ASCC3: variants seen among roughly 807,000 people sequenced by gnomAD.
ASCC3 encodes activating signal cointegrator 1 complex subunit 3.
Under a neutral mutation model 256.3 loss-of-function variants are expected in ASCC3, and 158 were observed. The ratio of observed to expected loss-of-function variants is 0.62; its 90% CI spans 0.54 to 0.70. ASCC3 has a LOEUF of 0.70. Ranked by LOEUF, ASCC3 falls within the 30% of genes least tolerant of loss-of-function variation. ASCC3 has a pLI of 0.00. For synonymous variants in ASCC3, 948 were observed against 883.4 expected (o/e 1.07, Z -1.30); for missense variants, 2,259 against 2,626.0 (o/e 0.86, Z 3.05).
chr6:100,702,830 T>C (rs1445066605), intron 13 of ASCC3, among the ~76,000 whole-genome samples: 3 of 152,180 alleles, frequency 2.0e-5, no homozygotes, highest in African/African-American at 7.2e-5. Flanking sequence ...TTTATCTTTT[T>C]GTAAAAACAA....
rs190120072 is a variant in ASCC3 at position 100,561,819 on chromosome 6, C to T, written c.5551-21432G>A. 1.8e-4 allele frequency among the ~76,000 whole-genome samples: 28 copies of T among 152,108 alleles called. No individual in the cohort carries two copies. The East Asian group carries it at 4.6e-3, about 25-fold the overall frequency. ...ACTGTTTAATAAATAACAGAAAATA[C>T]TTAAAAAGATGATATAAAAGACCTA... On this transcript the variant is annotated intron_variant, in intron 36 of 41. Transcript: ENST00000369162.
At chr6:100,809,733 T>C (rs1770367344) in intron 4 of ASCC3, among the ~76,000 whole-genome samples, 1 of 152,148 alleles carries the variant, frequency 6.6e-6, no homozygotes, top group Non-Finnish European at 1.5e-5. Context: ...GGTCACACTC[T>C]ACTTACTTTA....
In ASCC3 at chr6:100,662,539, A is replaced by G. The variant is rs1219899489; in HGVS notation, c.2287-3T>C. The G allele has an allele frequency of 1.9e-6, 3 of 1,612,494 alleles. No homozygotes were observed. In the Admixed American group the frequency reaches 5.0e-5, roughly 27 times the overall value. On this transcript the variant is annotated splice_region_variant and splice_polypyrimidine_tract_variant and intron_variant, in intron 14 of 41. Transcript: ENST00000369162. ...TGCTTATTTCTCGACCTTTGTACCT[A>G]GATACCAAGAAAGCGTAAGAGTATT...
chr6:100,613,184 AG>A lies in ASCC3; in HGVS notation c.4786-6097del, dbSNP rs1773494111. The stretch of plus-strand genomic sequence containing the variant: ...GCGTAGTGGGCAAGTCAGGGCTTTT[AG>A]GGTACCCATTACCTGAATTGGGTAC... On this transcript the variant is annotated intron_variant, in intron 30 of 41. Transcript: ENST00000369162. 3.3e-5 allele frequency among the ~76,000 whole-genome samples: 5 copies of A among 151,746 alleles called. No homozygotes were observed. In the South Asian group the frequency reaches 1.0e-3, roughly 32 times the overall value.
chr6:100,828,618 G>A (rs767399915), intron 4 of ASCC3, among the ~76,000 whole-genome samples: 2 of 152,150 alleles, frequency 1.3e-5, no homozygotes, highest in Non-Finnish European at 2.9e-5. Context: ...GCTCAGGAGT[G>A]AAGCTGCGGA....
intron 13 of ASCC3, among the ~76,000 whole-genome samples, chr6:100,681,491 G>A (rs1308906675): frequency 6.6e-6 from 1 of 152,006 alleles, no homozygotes; most frequent in Non-Finnish European, 1.5e-5. Flanking sequence ...CACTTTGGGA[G>A]GTCAAGGTGG....
chr6:100,855,158 G>C (rs530198251), intron 3 of ASCC3, among the ~76,000 whole-genome samples: 1 of 150,432 alleles, frequency 6.6e-6, no homozygotes, highest in East Asian at 2.0e-4. Context: ...CTGTCACCCA[G>C]TCTGGAGTGC....
intron 24 of ASCC3, among the ~76,000 whole-genome samples, chr6:100,642,129 A>G (rs143341610): frequency 0.03 from 4,582 of 152,006 alleles, 75 homozygotes; most frequent in African/African-American, 0.055. Flanking sequence ...AAACCTGCAC[A>G]TTGTGCACAT....
rs1775403323 is a variant in ASCC3, at chr6:100,646,773, C to T, written c.3479-4G>A. On this transcript the variant is annotated splice_region_variant and splice_polypyrimidine_tract_variant and intron_variant, in intron 21 of 41. Coordinates refer to ENST00000369162, the MANE Select transcript of ASCC3 (RefSeq NM_006828.4). ...TTCACATGATGTAAAATGTGACCTG[C>T]AAGAAAAATATCACATAGAAGAAAT... is the stretch of plus-strand genomic sequence containing the variant. The T allele has an allele frequency of 3.7e-6, 6 of 1,613,178 alleles. No individual in the cohort carries two copies. The highest frequency in any genetic ancestry group is 1.1e-5 in the South Asian group (1 of 91,044).
chr6:100,720,200 T>C (rs569516622), intron 11 of ASCC3, among the ~76,000 whole-genome samples: 17 of 152,074 alleles, frequency 1.1e-4, no homozygotes, highest in African/African-American at 4.1e-4. Flanking sequence ...CACAGACACA[T>C]CTGTCAAGGA....
intron 8 of ASCC3, among the ~76,000 whole-genome samples, chr6:100,777,567 T>G (rs1229357059): frequency 6.6e-6 from 1 of 152,118 alleles, no homozygotes; most frequent in Non-Finnish European, 1.5e-5. Context: ...GAGTGAGACA[T>G]AACAGTTACC....
chr6:100,531,014 C>T (rs542629307), intron 37 of ASCC3: 43 of 1,594,270 alleles, frequency 2.7e-5, no homozygotes, highest in African/African-American at 4.0e-5. Flanking sequence ...GGAATTTGCA[C>T]GCCCTCAAAC....
intron 27 of ASCC3, among the ~76,000 whole-genome samples, chr6:100,628,532 G>T (rs1774367637): frequency 6.6e-6 from 1 of 152,132 alleles, no homozygotes; most frequent in Non-Finnish European, 1.5e-5. Context: ...ATGACAGTGA[G>T]TGAATTCTCA....
At chr6:100,706,941 T>C (rs1292907312) in intron 13 of ASCC3, among the ~76,000 whole-genome samples, 3 of 151,674 alleles carry the variant, frequency 2.0e-5, no homozygotes, top group East Asian at 1.9e-4. Flanking sequence ...CTTATTGGCT[T>C]AGTACTTAAA....
chr6:100,671,420 T>C (rs1256350022), intron 14 of ASCC3, among the ~76,000 whole-genome samples: 1 of 152,058 alleles, frequency 6.6e-6, no homozygotes, highest in Non-Finnish European at 1.5e-5. Flanking sequence ...ATTTGGATTC[T>C]CCACAGAAGC....
chr6:100,774,615 T>A (rs1782101226), intron 8 of ASCC3, among the ~76,000 whole-genome samples: 1 of 152,114 alleles, frequency 6.6e-6, no homozygotes, highest in South Asian at 2.1e-4. Flanking sequence ...TCCACCCAGC[T>A]TGGCCTCCCA....
chr6:100,826,292 C>G (rs1264586716), intron 4 of ASCC3, among the ~76,000 whole-genome samples: 7 of 151,892 alleles, frequency 4.6e-5, no homozygotes, highest in Non-Finnish European at 8.8e-5. Flanking sequence ...CCACCACGCC[C>G]GGCTAATTTT....
intron 34 of ASCC3, among the ~76,000 whole-genome samples, chr6:100,593,417 A>G (rs1412874063): frequency 1.3e-5 from 2 of 152,160 alleles, no homozygotes; most frequent in Non-Finnish European, 2.9e-5. Context: ...ATTATCTTTA[A>G]AAGATCTTAT....
In ASCC3 at chr6:100,835,279, A is replaced by T. The variant is rs1181325813; in HGVS notation, c.801+12869T>A. Reference sequence around the variant, plus strand: ...TGTTGTACAGATGCTTTTTAGATTGATGTAATACAATTTGTCTATTTTTGC... The same window carrying T: ...TGTTGTACAGATGCTTTTTAGATTGTTGTAATACAATTTGTCTATTTTTGC... On this transcript the variant is annotated intron_variant, in intron 4 of 41. Coordinates refer to ENST00000369162, the MANE Select transcript of ASCC3 (RefSeq NM_006828.4). Among the ~76,000 whole-genome samples the T allele has an allele frequency of 3.3e-5, 5 of 152,110 alleles. No homozygotes were observed. In the East Asian group the frequency reaches 7.7e-4, roughly 24 times the overall value.
Sources: allele counts gnomAD v4.1 joint callset (sites outside exome capture counted in the v4.1 genomes callset), GRCh38; gene constraint gnomAD v4.1.1; transcripts MANE v1.5; gene names NCBI Gene and HGNC (gene_info 2026-07-23, HGNC 2026-07-21).